Variants in FAM120B observed in about 807,000 individuals in gnomAD.
FAM120B encodes the protein constitutive coactivator of peroxisome proliferator-activated receptor gamma.
Under a neutral mutation model 96.3 loss-of-function variants are expected in FAM120B, and 83 were observed. That is an observed-to-expected ratio of 0.86 (90% CI 0.72 to 1.03). FAM120B has a LOEUF of 1.03. FAM120B is among the 50% of genes least tolerant of loss of function. FAM120B has a pLI of 0.00. For missense variants in FAM120B, 1,027 were observed against 1,121.2 expected, an observed-to-expected ratio of 0.92 and a Z score of 1.20; for synonymous variants, 407 against 402.7, an observed-to-expected ratio of 1.01 and a Z score of -0.13.
At chr6:170,316,600 T>C (rs1199601807) in intron 1 of FAM120B, among the ~76,000 whole-genome samples, 2 of 152,238 alleles carry the variant, frequency 1.3e-5, no homozygotes, top group Non-Finnish European at 2.9e-5. Flanking sequence ...AAATGGGCAG[T>C]TTCTCTGCAA....
intron 4 of FAM120B, among the ~76,000 whole-genome samples, chr6:170,341,357 G>C (rs910290240): frequency 6.6e-6 from 1 of 152,150 alleles, no homozygotes; most frequent in African/African-American, 2.4e-5. Context: ...CACCAAGCTC[G>C]ATCGTCCCAG....
chr6:170,401,846 A>G (rs1778598785), intron 9 of FAM120B, among the ~76,000 whole-genome samples: 1 of 152,220 alleles, frequency 6.6e-6, no homozygotes, highest in Non-Finnish European at 1.5e-5. Flanking sequence ...AACCTGAACT[A>G]CTTCTGGTTC....
chr6:170,394,148 A>C (rs539966787), intron 8 of FAM120B, among the ~76,000 whole-genome samples: 1 of 152,194 alleles, frequency 6.6e-6, no homozygotes, highest in Admixed American at 6.5e-5. Flanking sequence ...TCACAAAGGG[A>C]TGACATCACG....
intron 1 of FAM120B, among the ~76,000 whole-genome samples, chr6:170,314,652 A>G (rs989926257): frequency 1.2e-4 from 18 of 152,256 alleles, no homozygotes; most frequent in African/African-American, 4.1e-4. Flanking sequence ...AAGCCTGCAT[A>G]TATGCTCTTA....
At chr6:170,294,782 G>A (rs2114973314), upstream of FAM120B, among the ~76,000 whole-genome samples, 1 of 152,308 alleles carries the variant, frequency 6.6e-6, no homozygotes, top group South Asian at 2.1e-4. This position sits in a 1 kb window ranked among gnomAD's most constrained non-coding sequence, Gnocchi z 7.9. Flanking sequence ...GCCAGCCACA[G>A]GTTCAGTTTT....
At position 170,325,574 on chromosome 6, in the gene FAM120B, C is replaced by T. The variant is rs1785539140; in HGVS notation, c.1915+2315C>T. ...AAAAGTAGTTGGCCGGGCACGGTAG[C>T]TCACGCCTGTAATCCCAGCACTTTG... On this transcript the variant is annotated intron_variant, in intron 3 of 10. Coordinates refer to ENST00000476287, the MANE Select transcript of FAM120B (RefSeq NM_032448.3). Among the ~76,000 whole-genome samples the T allele has an allele frequency of 2.0e-5, 3 of 151,100 alleles. 1 individual carries two copies. In the South Asian group the frequency reaches 6.3e-4, roughly 32 times the overall value.
intron 6 of FAM120B, among the ~76,000 whole-genome samples, chr6:170,382,100 T>G (rs1476185223): frequency 6.6e-6 from 1 of 152,026 alleles, no homozygotes; most frequent in East Asian, 1.9e-4. Context: ...ATTCTCTAAA[T>G]AAAAAATCCC....
intron 6 of FAM120B, among the ~76,000 whole-genome samples, chr6:170,385,953 G>T (rs1331663863): frequency 6.6e-6 from 1 of 152,190 alleles, no homozygotes; most frequent in Non-Finnish European, 1.5e-5. Flanking sequence ...AGAAAGATGA[G>T]TGATTGCCAG....
chr6:170,400,117 A>G (rs1481962361), intron 9 of FAM120B, among the ~76,000 whole-genome samples: 1 of 151,654 alleles, frequency 6.6e-6, no homozygotes, highest in African/African-American at 2.4e-5. Flanking sequence ...AGGTAGAACT[A>G]TGTCATAACC....
chr6:170,315,022 G>A (rs565398856), intron 1 of FAM120B, among the ~76,000 whole-genome samples: 1 of 152,322 alleles, frequency 6.6e-6, no homozygotes, highest in African/African-American at 2.4e-5. Flanking sequence ...GTGGGCGTGC[G>A]GTGAACCCTA....
chr6:170,391,783 T>A (rs548387609), intron 8 of FAM120B, among the ~76,000 whole-genome samples: 1 of 152,296 alleles, frequency 6.6e-6, no homozygotes, highest in East Asian at 1.9e-4. Context: ...AAGAAAGTAA[T>A]TAAAAAGGAA....
rs1362667545 is a variant in FAM120B, at chr6:170,330,505, C to T, written c.1972C>T (p.Leu658=). The change falls in exon 4 of 11, where the codon CTG becomes TTG. Residue 658 remains leucine (L), a synonymous_variant. Transcript: ENST00000476287. ...GTGGTTTGTGTATCCTGGGAACCCA[C>T]TGAGGCACCCGGACCTCGTCAGGCC... ...KEWFVYPGNP[L]RHPDLVRPLQ... The T allele has an allele frequency of 1.9e-6, 3 of 1,614,192 alleles. No homozygotes were observed. Among genetic ancestry groups the T allele is most frequent in the African/African-American group, 1.3e-5 (1 of 75,044 alleles).
chr6:170,400,871 TC>T (rs1293863836), intron 9 of FAM120B, among the ~76,000 whole-genome samples: 1 of 152,042 alleles, frequency 6.6e-6, no homozygotes, highest in Non-Finnish European at 1.5e-5. Context: ...CTCCCAGGGC[TC>T]CCCCAGAGCA....
intron 4 of FAM120B, among the ~76,000 whole-genome samples, chr6:170,342,629 C>G (rs1201312164): frequency 6.6e-6 from 1 of 152,214 alleles, no homozygotes; most frequent in Admixed American, 6.5e-5. Flanking sequence ...GAACTGCCTC[C>G]TTTGCCTGCG....
At chr6:170,398,379 C>G (rs906850912) in intron 9 of FAM120B, among the ~76,000 whole-genome samples, 1 of 151,438 alleles carries the variant, frequency 6.6e-6, no homozygotes. Context: ...TATGTCATAA[C>G]TCTTAGGAGT....
At chr6:170,393,471 G>T (rs1790577924) in intron 8 of FAM120B, among the ~76,000 whole-genome samples, 2 of 152,146 alleles carry the variant, frequency 1.3e-5, no homozygotes, top group Admixed American at 1.3e-4. Flanking sequence ...CATACAAATG[G>T]GCAGAAATCA....
chr6:170,361,216 A>ATATACGTATATATATATATACGTG (rs1554286418), intron 6 of FAM120B, among the ~76,000 whole-genome samples: 2 of 106,862 alleles, frequency 1.9e-5, no homozygotes, highest in Admixed American at 2.0e-4. Context: ...ATATATATAT[A>ATATACGTATATATATATATACGTG]TATATATATA....
At position 170,395,514 on chromosome 6, in the gene FAM120B, A is replaced by G. The variant is rs865964139; in HGVS notation, c.2627A>G (p.Tyr876Cys). Residue 876 changes from tyrosine (Y) to cysteine (C), a missense_variant, in exon 9 of 11, where the codon TAC becomes TGC. Tyr to Cys is a radical substitution (Grantham distance 194). Transcript: ENST00000476287. ...AGGTGGGGAAGACAGGGCTCCAGCT[A>G]CCACAGGACGGGCTCTGGGTATAGC... ...AGRWGRQGSSYHRTGSGYSRS... is the reference protein window; with the variant it reads ...AGRWGRQGSSCHRTGSGYSRS... 3.4e-5 allele frequency: 55 copies of G among 1,599,268 alleles called. No homozygotes were observed. The highest frequency in any genetic ancestry group is 4.5e-5 in the Non-Finnish European group (53 of 1,173,100).
chr6:170,319,950 G>A (rs552149321), intron 2 of FAM120B, among the ~76,000 whole-genome samples: 8 of 152,194 alleles, frequency 5.3e-5, no homozygotes, highest in Non-Finnish European at 1.2e-4. Context: ...GTATTACAGC[G>A]CCTTTGAAGA....
Sources: gnomAD v4.1 joint callset for allele counts (sites outside exome capture counted in the v4.1 genomes callset) on GRCh38, gnomAD v4.1.1 for gene constraint, Gnocchi (gnomAD v3.1) non-coding constraint, MANE v1.5 for transcripts, NCBI Gene and HGNC (gene_info 2026-07-23, HGNC 2026-07-21) for gene names.